Variants in SLCO3A1 observed in about 807,000 individuals in gnomAD.
SLCO3A1 encodes PGE1 transporter.
A neutral mutation model predicts 63.1 loss-of-function variants in SLCO3A1; 27 were observed. That is an observed-to-expected ratio of 0.43 (90% CI 0.32 to 0.59). SLCO3A1 has a LOEUF of 0.59. SLCO3A1 is among the 20% of genes least tolerant of loss of function. The pLI is 0.09. For missense variants in SLCO3A1, 773 were observed against 945.8 expected (o/e 0.82, Z 2.40); for synonymous variants, 473 against 409.9 (o/e 1.15, Z -1.86).
intron 2 of SLCO3A1, among the ~76,000 whole-genome samples, chr15:91,951,387 G>C (rs1320973911): frequency 6.6e-6 from 1 of 152,120 alleles, no homozygotes; most frequent in Non-Finnish European, 1.5e-5. Context: ...ATTATTGGTA[G>C]TACTGCATTC....
rs543386670 is a variant in SLCO3A1 at position 91,938,771 on chromosome 15, C to T, written c.646+22313C>T. ...ATGCTCTTCACCTCAGTGATTGACACTTTTGAAATTTCTAGACAGCAGGGG... is the reference window on the plus strand; with the variant it reads ...ATGCTCTTCACCTCAGTGATTGACATTTTTGAAATTTCTAGACAGCAGGGG... On this transcript the variant is annotated intron_variant, in intron 2 of 9. Coordinates refer to ENST00000318445, the MANE Select transcript of SLCO3A1 (RefSeq NM_013272.4). Among the ~76,000 whole-genome samples the T allele has an allele frequency of 1.1e-4, 17 of 152,318 alleles. No individual in the cohort carries two copies. In the South Asian group the frequency reaches 2.7e-3, roughly 24 times the overall value.
intron 2 of SLCO3A1, among the ~76,000 whole-genome samples, chr15:92,069,507 G>A (rs1318802797): frequency 5.3e-5 from 8 of 152,194 alleles, no homozygotes; most frequent in African/African-American, 1.7e-4. Context: ...GGCAGTCTTT[G>A]CATTCACTAC....
intron 1 of SLCO3A1, among the ~76,000 whole-genome samples, chr15:91,910,374 G>A (rs536804598): frequency 1.7e-4 from 26 of 152,326 alleles, no homozygotes; most frequent in South Asian, 1.7e-3. Context: ...TCCCCAGACT[G>A]TAAACTCCTA....
chr15:91,930,093 T>C (rs143019859), intron 2 of SLCO3A1, among the ~76,000 whole-genome samples: 5 of 152,310 alleles, frequency 3.3e-5, no homozygotes, highest in Admixed American at 1.3e-4. Flanking sequence ...ATAATTCATC[T>C]CTTTAATTTT....
At chr15:92,114,352 C>A (rs1276200265) in intron 4 of SLCO3A1, among the ~76,000 whole-genome samples, 1 of 152,130 alleles carries the variant, frequency 6.6e-6, no homozygotes, top group Non-Finnish European at 1.5e-5. Flanking sequence ...TTCTTTAATA[C>A]CCCTTGAGTT....
At chr15:91,892,281 T>G (rs755523479) in intron 1 of SLCO3A1, among the ~76,000 whole-genome samples, 1 of 152,240 alleles carries the variant, frequency 6.6e-6, no homozygotes, top group Non-Finnish European at 1.5e-5. Context: ...CGTATCGTCC[T>G]ACCTTCCTCA....
intron 2 of SLCO3A1, among the ~76,000 whole-genome samples, chr15:92,000,615 C>T (rs945695346): frequency 1.3e-5 from 2 of 152,130 alleles, no homozygotes; most frequent in Admixed American, 1.3e-4. Context: ...GTTGATTATG[C>T]TAATTAAAGT....
chr15:92,075,527 G>A (rs551763695), intron 2 of SLCO3A1, among the ~76,000 whole-genome samples: 12 of 152,332 alleles, frequency 7.9e-5, no homozygotes, highest in East Asian at 7.7e-4. Context: ...GCTCCATTCC[G>A]CTGCAGCTCT....
At chr15:92,022,704 G>A (rs1457345278) in intron 2 of SLCO3A1, among the ~76,000 whole-genome samples, 1 of 152,214 alleles carries the variant, frequency 6.6e-6, no homozygotes, top group African/African-American at 2.4e-5. Context: ...TTGGTAAATG[G>A]TATAATAGGT....
At chr15:91,974,574 G>A (rs28561596) in intron 2 of SLCO3A1, among the ~76,000 whole-genome samples, 3,706 of 151,742 alleles carry the variant, frequency 0.024, 154 homozygotes, top group African/African-American at 0.084. Context: ...AGCGGGCAGA[G>A]CCAGGCAGGG....
Position 92,094,242 on chromosome 15 carries a change from G to A in SLCO3A1, c.647-639G>A, listed in dbSNP as rs1431167702. ...TACAGAATCACTTAATTCCTGAACA[G>A]CTGTTACAAGCAGCCACAACAACAG... On this transcript the variant is annotated intron_variant, in intron 2 of 9. Coordinates refer to ENST00000318445, the MANE Select transcript of SLCO3A1 (RefSeq NM_013272.4). 3.3e-5 allele frequency among the ~76,000 whole-genome samples: 5 copies of A among 152,180 alleles called. No homozygotes were observed. In the East Asian group the frequency reaches 9.6e-4, roughly 29 times the overall value.
intron 9 of SLCO3A1, among the ~76,000 whole-genome samples, chr15:92,160,708 G>A (rs949078087): frequency 2.8e-5 from 4 of 141,262 alleles, no homozygotes; most frequent in African/African-American, 1.1e-4. Context: ...CACCTGGGCC[G>A]AGAGCCTGGA....
chr15:92,139,208 G>A (rs1486199820), intron 7 of SLCO3A1, among the ~76,000 whole-genome samples: 5 of 149,436 alleles, frequency 3.3e-5, no homozygotes, highest in East Asian at 4.0e-4. Flanking sequence ...TTTGTCAAAG[G>A]CTTTTTCTGC....
intron 2 of SLCO3A1, among the ~76,000 whole-genome samples, chr15:92,039,724 C>T (rs1382404669): frequency 6.6e-6 from 1 of 152,128 alleles, no homozygotes. Flanking sequence ...GGTATAAACC[C>T]AAAGGAATGT....
At chr15:92,027,336 A>T (rs544925208) in intron 2 of SLCO3A1, among the ~76,000 whole-genome samples, 2 of 152,396 alleles carry the variant, frequency 1.3e-5, no homozygotes, top group East Asian at 3.9e-4. Flanking sequence ...GTTGAGAGAT[A>T]AACTTTGTGT....
intron 7 of SLCO3A1, among the ~76,000 whole-genome samples, chr15:92,130,268 G>A (rs576863172): frequency 6.6e-6 from 1 of 152,380 alleles, no homozygotes; most frequent in Non-Finnish European, 1.5e-5. Context: ...CTGAAACAGC[G>A]AAGCTGGAGA....
chr15:92,013,504 G>C (rs932732208), intron 2 of SLCO3A1, among the ~76,000 whole-genome samples: 2 of 152,192 alleles, frequency 1.3e-5, no homozygotes, highest in African/African-American at 4.8e-5. Flanking sequence ...CCTGTGGTCT[G>C]ATGTGCCCGA....
intron 2 of SLCO3A1, among the ~76,000 whole-genome samples, chr15:91,992,477 G>A (rs542068365): frequency 1.1e-4 from 17 of 152,230 alleles, no homozygotes; most frequent in South Asian, 4.2e-4. Flanking sequence ...CTACTGCATC[G>A]TTGATATGCT....
chr15:92,147,406 C>A (rs2048241872), intron 8 of SLCO3A1, among the ~76,000 whole-genome samples: 1 of 152,042 alleles, frequency 6.6e-6, no homozygotes, highest in Non-Finnish European at 1.5e-5. Context: ...ATAGAGCCTG[C>A]AGGCAGTTTT....
Sources: gnomAD v4.1 joint callset for allele counts (sites outside exome capture counted in the v4.1 genomes callset) on GRCh38, gnomAD v4.1.1 for gene constraint, MANE v1.5 for transcripts, NCBI Gene and HGNC (gene_info 2026-07-23, HGNC 2026-07-21) for gene names.